The following FARS2 variants were observed in gnomAD, a reference collection of about 807,000 sequenced individuals.
FARS2 encodes phenylalanine--tRNA ligase, mitochondrial.
In FARS2, 40 loss-of-function variants were observed where a neutral mutation model predicts 46.4. That is an observed-to-expected ratio of 0.86 (90% CI 0.67 to 1.12). The LOEUF (loss-of-function observed/expected upper bound fraction) is 1.12, where lower values mean the gene tolerates loss of function less well. Among genes scored for constraint, FARS2 ranks in the 50% most tolerant of loss-of-function variants. The pLI, the probability that FARS2 is intolerant of heterozygous loss-of-function variation, is 0.00. For synonymous variants in FARS2, 234 were observed against 214.9 expected, an observed-to-expected ratio of 1.09 and a Z score of -0.78; for missense variants, 513 against 567.9, an observed-to-expected ratio of 0.90 and a Z score of 0.98.
At chr6:5,258,121 G>A (rs1764770249), upstream of FARS2, among the ~76,000 whole-genome samples, 1 of 152,214 alleles carries the variant, frequency 6.6e-6, no homozygotes, top group African/African-American at 2.4e-5. Flanking sequence ...GGCACATTTA[G>A]GAAACTGCAA....
chr6:5,648,794 C>T (rs955557531), intron 6 of FARS2, among the ~76,000 whole-genome samples: 7 of 152,080 alleles, frequency 4.6e-5, no homozygotes, highest in Admixed American at 1.3e-4. Flanking sequence ...AAAAATATTA[C>T]GTATTAGCAC....
intron 6 of FARS2, among the ~76,000 whole-genome samples, chr6:5,699,397 T>C (rs1265339544): frequency 6.6e-6 from 1 of 152,208 alleles, no homozygotes; most frequent in African/African-American, 2.4e-5. Flanking sequence ...AACTCAAACT[T>C]GTCCATAGAC....
In FARS2 at chr6:5,762,733, C is replaced by T. The variant is rs542807000; in HGVS notation, c.1218-8558C>T. Among the ~76,000 whole-genome samples the T allele has an allele frequency of 2.6e-5, 4 of 152,324 alleles. No individual in the cohort carries two copies. In the East Asian group the frequency reaches 7.7e-4, roughly 29 times the overall value. ...CCTCTGGCCCTGCCTCCATCAAGGC[C>T]TGGATTGGAGTTGTCTTTCCCAAGG... On this transcript the variant is annotated intron_variant, in intron 6 of 6. Coordinates refer to ENST00000274680, the MANE Select transcript of FARS2 (RefSeq NM_006567.5).
intron 5 of FARS2, among the ~76,000 whole-genome samples, chr6:5,559,456 C>G (rs1465572081): frequency 6.6e-6 from 1 of 152,090 alleles, no homozygotes; most frequent in Non-Finnish European, 1.5e-5. Context: ...GTTGAAACAC[C>G]TACGTCTCCC....
At chr6:5,514,326 A>T (rs1042706248) in intron 4 of FARS2, among the ~76,000 whole-genome samples, 21 of 152,294 alleles carry the variant, frequency 1.4e-4, no homozygotes, top group African/African-American at 5.1e-4. Context: ...TAAAAAGACA[A>T]AATTCTTGAT....
At chr6:5,263,873 G>A (rs1179420119) in intron 1 of FARS2, among the ~76,000 whole-genome samples, 1 of 152,128 alleles carries the variant, frequency 6.6e-6, no homozygotes, top group Non-Finnish European at 1.5e-5. Flanking sequence ...TCAAAATGAT[G>A]TATAAAGTAA....
intron 2 of FARS2, among the ~76,000 whole-genome samples, chr6:5,373,391 TACCAACTATA>T (rs1236452290): frequency 6.6e-6 from 1 of 152,058 alleles, no homozygotes; most frequent in African/African-American, 2.4e-5. Context: ...AAGGATACAA[TACCAACTATA>T]GAGTCTCCCC....
intron 2 of FARS2, among the ~76,000 whole-genome samples, chr6:5,370,294 C>T (rs959263138): frequency 1.3e-5 from 2 of 151,930 alleles, no homozygotes; most frequent in African/African-American, 4.8e-5. Context: ...TCTTTTGCGA[C>T]TCTGTGATAA....
chr6:5,589,956 C>T (rs1309932203), intron 5 of FARS2, among the ~76,000 whole-genome samples: 2 of 152,194 alleles, frequency 1.3e-5, no homozygotes, highest in African/African-American at 4.8e-5. Context: ...TCCGCAGCCC[C>T]ACCCTGCATA....
At chr6:5,363,147 C>G (rs536816346) in intron 1 of FARS2, among the ~76,000 whole-genome samples, 102 of 152,038 alleles carry the variant, frequency 6.7e-4, no homozygotes, top group Non-Finnish European at 1.3e-3. Flanking sequence ...AGGATGGTCT[C>G]GTTCTCCTGC....
intron 2 of FARS2, among the ~76,000 whole-genome samples, chr6:5,381,208 A>G (rs111876516): frequency 0.02 from 3,074 of 151,966 alleles, 113 homozygotes; most frequent in African/African-American, 0.071. Flanking sequence ...CCTGTTAGCC[A>G]GGATGGTCTC....
At chr6:5,451,897 C>G (rs1764514669) in intron 4 of FARS2, 1 of 152,188 alleles carries the variant, frequency 6.6e-6, no homozygotes, top group Non-Finnish European at 1.5e-5. Context: ...CAACTCATTT[C>G]CCACTGTATT....
chr6:5,603,555 T>C (rs1774660770), intron 5 of FARS2, among the ~76,000 whole-genome samples: 1 of 152,342 alleles, frequency 6.6e-6, no homozygotes, highest in African/African-American at 2.4e-5. Context: ...TGATTCCTTC[T>C]GAGGATCTGT....
intron 1 of FARS2, among the ~76,000 whole-genome samples, chr6:5,299,552 G>T (rs1768140283): frequency 6.6e-6 from 1 of 152,202 alleles, no homozygotes; most frequent in Non-Finnish European, 1.5e-5. Context: ...GACACTTGGG[G>T]TTCAGGGGAA....
At chr6:5,518,461 G>A (rs573528046) in intron 4 of FARS2, among the ~76,000 whole-genome samples, 31 of 152,284 alleles carry the variant, frequency 2.0e-4, no homozygotes, top group Non-Finnish European at 3.7e-4. Context: ...CAGAGCTAGA[G>A]AAATATGTCT....
chr6:5,491,424 G>A (rs1312644312), intron 4 of FARS2, among the ~76,000 whole-genome samples: 3 of 152,114 alleles, frequency 2.0e-5, no homozygotes, highest in Non-Finnish European at 2.9e-5. Context: ...GCAGCATTTC[G>A]ATCATACTTA....
chr6:5,504,058 T>G (rs1767964134), intron 4 of FARS2, among the ~76,000 whole-genome samples: 1 of 152,202 alleles, frequency 6.6e-6, no homozygotes, highest in Non-Finnish European at 1.5e-5. Flanking sequence ...AGCTAGAAGA[T>G]ATTGCCGTAT....
chr6:5,760,138 C>T (rs1000635529), intron 6 of FARS2, among the ~76,000 whole-genome samples: 6 of 152,200 alleles, frequency 3.9e-5, no homozygotes, highest in South Asian at 2.1e-4. Flanking sequence ...TTCTCTTTAC[C>T]GATGTGTAAT....
chr6:5,477,857 A>G (rs1306992826), intron 4 of FARS2, among the ~76,000 whole-genome samples: 1 of 151,956 alleles, frequency 6.6e-6, no homozygotes, highest in Non-Finnish European at 1.5e-5. Flanking sequence ...CATCTCTACA[A>G]AAAATAAAAA....
Sources: gnomAD v4.1 joint callset for allele counts (sites outside exome capture counted in the v4.1 genomes callset) on GRCh38, gnomAD v4.1.1 for gene constraint, MANE v1.5 for transcripts, NCBI Gene and HGNC (gene_info 2026-07-23, HGNC 2026-07-21) for gene names.